The following WDFY4 variants were observed in gnomAD, a reference collection of about 807,000 sequenced individuals.
WDFY4 encodes WDFY family member 4.
WDFY4 carries 169 observed loss-of-function variants against 351.9 expected under a neutral mutation model. The ratio of observed to expected loss-of-function variants is 0.48; its 90% confidence interval spans 0.42 to 0.55. The LOEUF is 0.55. Among genes scored for constraint, WDFY4 ranks in the 20% least tolerant of loss-of-function variants. The pLI is 0.00. For synonymous variants in WDFY4, 1,622 were observed against 1,574.6 expected (o/e 1.03, Z -0.71); for missense variants, 3,803 against 3,935.6 (o/e 0.97, Z 0.90).
At chr10:48,685,522 A>G (rs1243028351) in intron 1 of WDFY4, among the ~76,000 whole-genome samples, 1 of 152,088 alleles carries the variant, frequency 6.6e-6, no homozygotes, top group Non-Finnish European at 1.5e-5. Flanking sequence ...TCATTACTCC[A>G]CTGGGTTCTG....
intron 58 of WDFY4, 134 bp from the exon 59 acceptor site, chr10:48,976,662 GT>G: frequency 1.3e-6 from 1 of 758,112 alleles, no homozygotes. Context: ...CTGGAAAGAA[GT>G]TTTGGGGTAC....
At chr10:48,722,384 G>A (rs1368973372) in intron 4 of WDFY4, among the ~76,000 whole-genome samples, 1 of 152,212 alleles carries the variant, frequency 6.6e-6, no homozygotes, top group Non-Finnish European at 1.5e-5. Flanking sequence ...GTGCATCGGG[G>A]GTGAGGTGGG....
At chr10:48,703,721 G>T (rs1264581726) in intron 1 of WDFY4, among the ~76,000 whole-genome samples, 1 of 152,182 alleles carries the variant, frequency 6.6e-6, no homozygotes, top group Non-Finnish European at 1.5e-5. Flanking sequence ...AGTCAGGGAT[G>T]AAAACAGTCA....
In WDFY4 at chr10:48,911,793, A is replaced by G. The variant is rs573591142; in HGVS notation, c.7586+9930A>G. 3.9e-5 allele frequency among the ~76,000 whole-genome samples: 6 copies of G among 152,360 alleles called. No individual in the cohort carries two copies. The East Asian group carries it at 5.8e-4, about 15-fold the overall frequency. On this transcript the variant is annotated intron_variant, in intron 47 of 61. Transcript: ENST00000325239. ...ATGTTGTGGTTCTGTTACTTCTACA[A>G]TGAAAAACACTTAATAAAGGGAAAA...
intron 24 of WDFY4, among the ~76,000 whole-genome samples, chr10:48,799,906 A>AT (rs369466059): frequency 5.3e-5 from 8 of 151,832 alleles, no homozygotes; most frequent in Admixed American, 3.9e-4. Flanking sequence ...TTTTTTTTTG[A>AT]GACAGAGTCT....
chr10:48,807,956 T>C lies in WDFY4; in HGVS notation c.4836T>C (p.Ser1612=), dbSNP rs555042017. The stretch of plus-strand genomic sequence containing the variant: ...CTTCCCCCCAGCTTCATCTGTCCTC[T>C]GAGTAAGTAGCTCCAGGAAGAGCAA... ...VISSPQLHLS[S]ESKEEMFLKL... is the part of the protein sequence containing the mutation. The change falls in exon 28 of 62, where the codon TCT becomes TCC. Residue 1612 remains serine, a splice_region_variant and synonymous_variant. Transcript: ENST00000325239. The C allele has an allele frequency of 1.0e-5, 16 of 1,538,872 alleles. No individual in the cohort carries two copies. The Admixed American group carries it at 3.1e-4, about 30-fold the overall frequency.
Position 48,778,792 on chromosome 10 carries a change from C to T in WDFY4, c.3357C>T (p.Ser1119=), listed in dbSNP as rs1011625621. Residue 1119 remains serine (S), a synonymous_variant, in exon 18 of 62, where the codon TCC becomes TCT. Coordinates refer to ENST00000325239, the MANE Select transcript of WDFY4 (RefSeq NM_001394531.1). Reference sequence around the variant, plus strand: ...TCAGCCTCTGCCCAGACGACCTCTCCTTGGTTGTTTCTACAGAAGAGAAGG... The same window carrying T: ...TCAGCCTCTGCCCAGACGACCTCTCTTTGGTTGTTTCTACAGAAGAGAAGG... ...FSVSLCPDDL[S]LVVSTEEKEF... The T allele has an allele frequency of 4.5e-6, 7 of 1,551,552 alleles. No homozygotes were observed. The highest frequency in any genetic ancestry group is 1.7e-4 in the Middle Eastern group (1 of 5,988).
intron 57 of WDFY4, among the ~76,000 whole-genome samples, chr10:48,970,918 G>T (rs1379864364): frequency 6.6e-6 from 1 of 152,180 alleles, no homozygotes; most frequent in East Asian, 1.9e-4. Flanking sequence ...AATGCTAATC[G>T]CAGCGGCACT....
In WDFY4 at chr10:48,709,910, A is replaced by G; in HGVS notation, c.178A>G (p.Lys60Glu). ...TCTGGAATACCAGCAGTTGACTCAC[A>G]AGAGCCCCATTGAGCGTCAGAAGAG... Reference protein sequence around the residue: ...KFLEYQQLTHKSPIERQKSLL... With the variant: ...KFLEYQQLTHESPIERQKSLL... Residue 60 changes from lysine to glutamate, a missense_variant, in exon 2 of 62, where the codon AAG (lysine) becomes GAG (glutamate). Around this residue, in one of 3 missense-constraint regions of WDFY4, gnomAD observed 488 missense variants for 456.8 expected, o/e 1.07. Transcript: ENST00000325239. 1.3e-6 allele frequency: 2 copies of G among 1,552,206 alleles called. No homozygotes were observed. Among genetic ancestry groups the G allele is most frequent in the Non-Finnish European group, 1.7e-6 (2 of 1,147,110 alleles).
intron 51 of WDFY4, among the ~76,000 whole-genome samples, chr10:48,951,253 T>G (rs61618538): frequency 0.033 from 4,964 of 152,268 alleles, 291 homozygotes; most frequent in African/African-American, 0.11. Flanking sequence ...GGTATATATA[T>G]GTACTGTGTG....
At chr10:48,757,823 C>G (rs2065381510) in intron 12 of WDFY4, among the ~76,000 whole-genome samples, 1 of 151,746 alleles carries the variant, frequency 6.6e-6, no homozygotes, top group Admixed American at 6.6e-5. Context: ...TTTTAACAGT[C>G]TACTTAGAAT....
intron 13 of WDFY4, among the ~76,000 whole-genome samples, chr10:48,766,031 A>C (rs1283217755): frequency 6.6e-6 from 1 of 152,238 alleles, no homozygotes; most frequent in Non-Finnish European, 1.5e-5. Flanking sequence ...CAAGTAACTA[A>C]AATATTGACA....
chr10:48,771,793 A>G (rs1455886038), intron 13 of WDFY4, among the ~76,000 whole-genome samples: 2 of 152,178 alleles, frequency 1.3e-5, no homozygotes, highest in Non-Finnish European at 2.9e-5. Flanking sequence ...TTAAACGCCT[A>G]GAGCTTTACC....
intron 49 of WDFY4, among the ~76,000 whole-genome samples, chr10:48,943,900 T>G (rs934351719): frequency 5.3e-5 from 8 of 152,158 alleles, no homozygotes; most frequent in African/African-American, 1.9e-4. Flanking sequence ...CGGCCTCAGA[T>G]CTCTTAACCC....
intron 47 of WDFY4, among the ~76,000 whole-genome samples, chr10:48,915,364 G>T (rs1373329295): frequency 6.6e-6 from 1 of 151,976 alleles, no homozygotes; most frequent in African/African-American, 2.4e-5. Flanking sequence ...TGTTCTGTTT[G>T]GTTCTGGGAC....
rs1412708418 is a variant in WDFY4, at chr10:48,810,539, A to G, written c.4848A>G (p.Glu1616=). The G allele has an allele frequency of 6.5e-7, 1 of 1,542,482 alleles. No individual in the cohort carries two copies. The highest frequency in any genetic ancestry group is 1.2e-5 in the South Asian group (1 of 83,810). ...ATTTATTAATCCCCAGGTCAAAGGA[A>G]GAGATGTTTCTGAAACTGGGGCCTG... The part of the protein sequence containing the change: ...PQLHLSSESK[E]EMFLKLGPDW... The change falls in exon 29 of 62, where the codon GAA becomes GAG. Residue 1616 remains glutamate (E), a synonymous_variant. Coordinates refer to ENST00000325239, the MANE Select transcript of WDFY4 (RefSeq NM_001394531.1).
chr10:48,733,791 TA>T, intron 9 of WDFY4, 139 bp from the exon 10 acceptor site: 1 of 713,708 alleles, frequency 1.4e-6, no homozygotes. Flanking sequence ...CCTTCTATCT[TA>T]CTAATTGGGA....
At chr10:48,944,190 A>G (rs2133771503) in intron 49 of WDFY4, among the ~76,000 whole-genome samples, 1 of 152,334 alleles carries the variant, frequency 6.6e-6, no homozygotes, top group Admixed American at 6.5e-5. Flanking sequence ...ACAGGGATAC[A>G]GACACACAGA....
rs550283575 is a variant in WDFY4 at position 48,894,252 on chromosome 10, CAT to C, written c.7317-3199_7317-3198del. On this transcript the variant is annotated intron_variant, in intron 44 of 61. Transcript: ENST00000325239. Reference sequence around the variant, plus strand: ...GTTACCATTTTCCAGAGCATTCTTCCATATGTCATCTGTGTTTCAGAGTCCTG... The same window carrying C: ...GTTACCATTTTCCAGAGCATTCTTCCATGTCATCTGTGTTTCAGAGTCCTG... Among the ~76,000 whole-genome samples the C allele has an allele frequency of 6.5e-4, 99 of 152,304 alleles. 1 individual carries two copies. The highest frequency in any genetic ancestry group is 3.7e-3 in the East Asian group (19 of 5,184).
Sources: gnomAD v4.1 joint callset for allele counts (sites outside exome capture counted in the v4.1 genomes callset) on GRCh38, gnomAD v4.1.1 for gene constraint, gnomAD v4.1.1 regional missense constraint, MANE v1.5 for transcripts, NCBI Gene and HGNC (gene_info 2026-07-23, HGNC 2026-07-21) for gene names.